The following NTRK3 variants were observed in gnomAD, a reference collection of about 807,000 sequenced individuals.
NTRK3 encodes NT-3 growth factor receptor.
Under a neutral mutation model 91.7 loss-of-function variants are expected in NTRK3, and 24 were observed. That is an observed-to-expected ratio of 0.26 (90% CI 0.19 to 0.37). The LOEUF is 0.37. Ranked by LOEUF, NTRK3 falls within the 10% of genes least tolerant of loss-of-function variation. NTRK3 has a pLI of 1.00. For missense variants in NTRK3, 880 were observed against 1,068.9 expected (o/e 0.82, Z 2.46); for synonymous variants, 483 against 404.0 (o/e 1.20, Z -2.34).
intron 6 of NTRK3, 67 bp downstream of exon 6, chr15:88,147,268 G>C (rs1339486641): frequency 6.8e-7 from 1 of 1,463,494 alleles, no homozygotes; most frequent in African/African-American, 1.4e-5. Flanking sequence ...TCCACTGCTT[G>C]ACACTCCTCC....
At chr15:88,197,503 A>G (rs1597896062) in intron 3 of NTRK3, among the ~76,000 whole-genome samples, 1 of 152,296 alleles carries the variant, frequency 6.6e-6, no homozygotes, top group Non-Finnish European at 1.5e-5. Flanking sequence ...TTCTATTAGG[A>G]AGCCTTAAGC....
exon 19 of NTRK3, chr15:87,873,986 G>A (rs2064887978): frequency 4.4e-6 from 1 of 228,878 alleles, no homozygotes; most frequent in African/African-American, 2.2e-5. Context: ...ACACAACGTT[G>A]TCAGAATCTA....
At chr15:88,048,465 C>T (rs2080462102) in intron 13 of NTRK3, among the ~76,000 whole-genome samples, 1 of 152,182 alleles carries the variant, frequency 6.6e-6, no homozygotes. Flanking sequence ...TCACTTAATG[C>T]TGACACAGGT....
chr15:87,981,707 T>A (rs920860778), intron 14 of NTRK3, among the ~76,000 whole-genome samples: 3 of 152,196 alleles, frequency 2.0e-5, no homozygotes, highest in African/African-American at 7.2e-5. Context: ...TCATTGCCAT[T>A]CAGAGTGTCA....
chr15:88,064,376 C>T (rs1352254929), intron 13 of NTRK3, among the ~76,000 whole-genome samples: 3 of 152,202 alleles, frequency 2.0e-5, no homozygotes, highest in Non-Finnish European at 2.9e-5. Context: ...TTTTATAGCT[C>T]GTCCTTCAAG....
chr15:87,916,507 TG>T (rs2067455043), intron 17 of NTRK3: 1 of 702,282 alleles, frequency 1.4e-6, no homozygotes, highest in Non-Finnish European at 2.6e-6. Context: ...AATTTTCTTA[TG>T]GGGCATCTTC....
At chr15:88,175,793 A>C (rs1033665974) in intron 5 of NTRK3, among the ~76,000 whole-genome samples, 1 of 152,228 alleles carries the variant, frequency 6.6e-6, no homozygotes, top group South Asian at 2.1e-4. Context: ...TAAGGCATAG[A>C]TATGTTAAGT....
intron 13 of NTRK3, among the ~76,000 whole-genome samples, chr15:88,049,110 A>G (rs1428488443): frequency 6.6e-6 from 1 of 152,236 alleles, no homozygotes; most frequent in African/African-American, 2.4e-5. Flanking sequence ...GCACAGAAGC[A>G]ACCCTGGAGC....
chr15:88,135,137 T>A, exon 10 of NTRK3: 1 of 1,614,254 alleles, frequency 6.2e-7, no homozygotes, highest in Non-Finnish European at 8.5e-7. Flanking sequence ...CCATTGATGG[T>A]CTGGTTGGCT....
intron 13 of NTRK3, among the ~76,000 whole-genome samples, chr15:88,110,446 C>A (rs1262640340): frequency 1.3e-5 from 2 of 152,176 alleles, no homozygotes; most frequent in African/African-American, 2.4e-5. Context: ...GGAAAGATCC[C>A]AGATTATATC....
intron 17 of NTRK3, among the ~76,000 whole-genome samples, chr15:87,914,240 T>C (rs898912438): frequency 4.6e-5 from 7 of 152,244 alleles, no homozygotes; most frequent in Admixed American, 2.6e-4. Context: ...CTGTGTGCAA[T>C]AATAAATTTC....
intron 13 of NTRK3, among the ~76,000 whole-genome samples, chr15:88,089,646 C>A (rs759765982): frequency 9.2e-5 from 14 of 152,190 alleles, no homozygotes; most frequent in Non-Finnish European, 2.1e-4. Flanking sequence ...CAGAAAGATG[C>A]TCCCCTTGCA....
At position 88,233,482 on chromosome 15, in the gene NTRK3, C is replaced by T. The variant is rs2051394200; in HGVS notation, c.248+22424G>A. On this transcript the variant is annotated intron_variant, in intron 3 of 18. Coordinates refer to ENST00000394480, the Ensembl canonical transcript of NTRK3. This position sits in a 1 kb window ranked among gnomAD's most constrained non-coding sequence, Gnocchi z 4.2. ...CACGAAAGTTAGCACACTGAAACCA[C>T]AGTTAGCATCCTCGAAAGAGCAAAT... Among the ~76,000 whole-genome samples, 1 of 152,136 alleles carries T rather than the reference C, an allele frequency of 6.6e-6. No individual in the cohort carries two copies. The highest frequency in any genetic ancestry group is 2.4e-5 in the African/African-American group (1 of 41,418).
intron 3 of NTRK3, among the ~76,000 whole-genome samples, chr15:88,246,722 C>T (rs1239574809): frequency 6.6e-6 from 1 of 152,224 alleles, no homozygotes; most frequent in Non-Finnish European, 1.5e-5. Context: ...CGCCCAGCCA[C>T]CTCCTTCCCA....
intron 16 of NTRK3, among the ~76,000 whole-genome samples, chr15:87,932,135 T>C (rs2068854194): frequency 6.6e-6 from 1 of 152,204 alleles, no homozygotes; most frequent in South Asian, 2.1e-4. Context: ...AAGCCACCCT[T>C]GAAACTTCAT....
chr15:88,138,525 T>C (rs1169738162), intron 6 of NTRK3, among the ~76,000 whole-genome samples: 1 of 152,154 alleles, frequency 6.6e-6, no homozygotes, highest in East Asian at 1.9e-4. Flanking sequence ...ATCTGCACCA[T>C]TCTCCATCAT....
chr15:87,889,706 G>GT (rs2065752208), intron 17 of NTRK3, among the ~76,000 whole-genome samples: 1 of 152,082 alleles, frequency 6.6e-6, no homozygotes, highest in African/African-American at 2.4e-5. Context: ...CTTTTACAGA[G>GT]TTGGGTGGCC....
intron 14 of NTRK3, among the ~76,000 whole-genome samples, chr15:87,968,699 T>A (rs915303475): frequency 1.3e-5 from 2 of 152,144 alleles, no homozygotes; most frequent in African/African-American, 4.8e-5. Flanking sequence ...TGTGTTTGCA[T>A]CTCCCAGAGT....
chr15:88,113,294 C>T, intron 13 of NTRK3, among the ~76,000 whole-genome samples: 1 of 150,440 alleles, frequency 6.6e-6, no homozygotes, highest in South Asian at 2.1e-4. Context: ...TAGACTCCCC[C>T]ACCTGCTGAT....
Sources: allele counts gnomAD v4.1 joint callset (sites outside exome capture counted in the v4.1 genomes callset), GRCh38; gene constraint gnomAD v4.1.1; non-coding constraint Gnocchi (gnomAD v3.1); transcripts MANE v1.5; gene names NCBI Gene and HGNC (gene_info 2026-07-23, HGNC 2026-07-21).